The following NDUFAF2 variants were observed in gnomAD, a reference collection of about 807,000 sequenced individuals.
NDUFAF2 encodes NADH dehydrogenase [ubiquinone] 1 alpha subcomplex assembly factor 2.
In NDUFAF2, 13 loss-of-function variants were observed where a neutral mutation model predicts 22.8. That is an observed-to-expected ratio of 0.57 (90% CI 0.37 to 0.91). The LOEUF (loss-of-function observed/expected upper bound fraction) is 0.91, where lower values mean the gene tolerates loss of function less well. NDUFAF2 is among the 40% of genes least tolerant of loss of function. The pLI is 0.01. For missense variants in NDUFAF2, 162 were observed against 195.2 expected (o/e 0.83, Z 1.01); for synonymous variants, 53 against 64.2 (o/e 0.83, Z 0.84).
chr5:61,035,316 T>C (rs138588174), intron 1 of NDUFAF2, among the ~76,000 whole-genome samples: 276 of 151,634 alleles, frequency 1.8e-3, no homozygotes, highest in African/African-American at 6.3e-3. Context: ...TCCGTCTGCC[T>C]CGGCCTCCCA....
intron 2 of NDUFAF2, among the ~76,000 whole-genome samples, chr5:61,094,634 TG>T (rs1752616176): frequency 6.6e-6 from 1 of 152,240 alleles, no homozygotes; most frequent in Non-Finnish European, 1.5e-5. Context: ...TATCTACCTT[TG>T]ATCTTTGAAG....
chr5:60,982,180 G>A (rs1750993072), intron 1 of NDUFAF2, among the ~76,000 whole-genome samples: 1 of 152,094 alleles, frequency 6.6e-6, no homozygotes, highest in African/African-American at 2.4e-5. Flanking sequence ...CACGATCACT[G>A]ATTATATTAG....
At chr5:60,962,478 T>A (rs1290073800) in intron 1 of NDUFAF2, among the ~76,000 whole-genome samples, 1 of 152,168 alleles carries the variant, frequency 6.6e-6, no homozygotes, top group Non-Finnish European at 1.5e-5. Context: ...TTCATAGACT[T>A]CATGAAACTT....
intron 3 of NDUFAF2, among the ~76,000 whole-genome samples, chr5:61,129,501 A>T (rs1753081421): frequency 6.6e-6 from 1 of 152,150 alleles, no homozygotes; most frequent in African/African-American, 2.4e-5. Context: ...AGGGACATGG[A>T]TGAAACTGGA....
chr5:61,080,294 A>G (rs2111741588), intron 2 of NDUFAF2, among the ~76,000 whole-genome samples: 1 of 152,348 alleles, frequency 6.6e-6, no homozygotes, highest in South Asian at 2.1e-4. Context: ...TTTCTTTCAA[A>G]TAAGTCCTTG....
intron 3 of NDUFAF2, chr5:61,114,625 G>A (rs1353391440): frequency 6.6e-6 from 1 of 152,092 alleles, no homozygotes; most frequent in Non-Finnish European, 1.5e-5. Context: ...TGAAGAATTT[G>A]GTATTTATTG....
At chr5:60,958,093 C>G (rs1431974132) in intron 1 of NDUFAF2, among the ~76,000 whole-genome samples, 1 of 152,172 alleles carries the variant, frequency 6.6e-6, no homozygotes, top group Non-Finnish European at 1.5e-5. Flanking sequence ...TTCACTTGTG[C>G]TAATTCACAG....
intron 1 of NDUFAF2, among the ~76,000 whole-genome samples, chr5:60,963,339 C>G (rs962858436): frequency 2.6e-5 from 4 of 152,208 alleles, no homozygotes; most frequent in African/African-American, 9.6e-5. Flanking sequence ...AATGAGTACA[C>G]AGTCAGTGAG....
chr5:61,147,423 A>ATTTTTTTTTTTTTTT (rs1036796067), intron 3 of NDUFAF2, among the ~76,000 whole-genome samples: 1 of 54,018 alleles, frequency 1.9e-5, no homozygotes, highest in Admixed American at 2.1e-4. Flanking sequence ...TAATTTTTGT[A>ATTTTTTTTTTTTTTT]TTTTTTTTTC....
chr5:61,023,222 AT>A (rs1264890767), intron 1 of NDUFAF2, among the ~76,000 whole-genome samples: 2 of 150,310 alleles, frequency 1.3e-5, no homozygotes, highest in African/African-American at 2.4e-5. Flanking sequence ...TTCTTAAGTG[AT>A]TTTTTTTTAT....
intron 1 of NDUFAF2, among the ~76,000 whole-genome samples, chr5:60,955,321 G>A (rs1025779140): frequency 2.0e-5 from 3 of 152,094 alleles, no homozygotes; most frequent in African/African-American, 7.2e-5. Context: ...TATTTGAAGA[G>A]ATTATCTTTT....
intron 1 of NDUFAF2, among the ~76,000 whole-genome samples, chr5:60,961,019 T>G (rs1465190992): frequency 2.6e-5 from 4 of 152,080 alleles, no homozygotes; most frequent in Non-Finnish European, 5.9e-5. Flanking sequence ...AAGGATGAAG[T>G]CTTGTAAAAT....
At chr5:60,977,836 CAAAAAAAA>C (rs373286895) in intron 1 of NDUFAF2, among the ~76,000 whole-genome samples, 1 of 116,538 alleles carries the variant, frequency 8.6e-6, no homozygotes, top group Non-Finnish European at 1.7e-5. Flanking sequence ...GACTCTGTCT[CAAAAAAAA>C]AAAAAAAAGA....
At chr5:61,066,822 C>G (rs1381047016) in intron 1 of NDUFAF2, among the ~76,000 whole-genome samples, 1 of 151,400 alleles carries the variant, frequency 6.6e-6, no homozygotes, top group Non-Finnish European at 1.5e-5. Flanking sequence ...TTTTTTTCCC[C>G]AAGTATTTTC....
chr5:61,074,403 A>G (rs1024244389), intron 2 of NDUFAF2, among the ~76,000 whole-genome samples: 1 of 152,158 alleles, frequency 6.6e-6, no homozygotes, highest in African/African-American at 2.4e-5. Context: ...CCTGGCCAAC[A>G]TGGTGAAACC....
intron 1 of NDUFAF2, among the ~76,000 whole-genome samples, chr5:61,003,548 T>C (rs1751326135): frequency 6.6e-6 from 1 of 151,816 alleles, no homozygotes; most frequent in African/African-American, 2.4e-5. Context: ...GGCAGTCCCC[T>C]ATGTGAAATG....
At chr5:61,136,014 T>TATATATATATATATATATATATATAG (rs1740927770) in intron 3 of NDUFAF2, among the ~76,000 whole-genome samples, 1 of 23,792 alleles carries the variant, frequency 4.2e-5, no homozygotes, top group African/African-American at 9.6e-5. Context: ...TTTATATATA[T>TATATATATATATATATATATATATAG]ATATATATAT....
chr5:61,002,242 C>G (rs1163592811), intron 1 of NDUFAF2, among the ~76,000 whole-genome samples: 1 of 152,108 alleles, frequency 6.6e-6, no homozygotes, highest in Non-Finnish European at 1.5e-5. Flanking sequence ...TGTGAGTCCT[C>G]TCTAATACTA....
chr5:60,984,454 G>A (rs545332761), intron 1 of NDUFAF2, among the ~76,000 whole-genome samples: 1 of 152,224 alleles, frequency 6.6e-6, no homozygotes, highest in South Asian at 2.1e-4. Flanking sequence ...AGTGGTGAGA[G>A]AGGGCATCCC....
Sources: allele counts gnomAD v4.1 joint callset (sites outside exome capture counted in the v4.1 genomes callset), GRCh38; gene constraint gnomAD v4.1.1; transcripts MANE v1.5; gene names NCBI Gene and HGNC (gene_info 2026-07-23, HGNC 2026-07-21).